HEPHL1: variants seen among roughly 807,000 people sequenced by gnomAD.
HEPHL1 encodes ferroxidase HEPHL1.
A neutral mutation model predicts 122.0 loss-of-function variants in HEPHL1; 123 were observed. That is an observed-to-expected ratio of 1.01 (90% CI 0.87 to 1.17). The LOEUF is 1.17. Among genes scored for constraint, HEPHL1 ranks in the 50% most tolerant of loss-of-function variants. The pLI, the probability that HEPHL1 is intolerant of heterozygous loss-of-function variation, is 0.00. For missense variants in HEPHL1, 1,452 were observed against 1,430.5 expected (o/e 1.01, Z -0.24); for synonymous variants, 527 against 508.9 (o/e 1.04, Z -0.48).
At position 94,089,775 on chromosome 11, in the gene HEPHL1, T is replaced by C. The variant is rs138672268; in HGVS notation, c.2294+807T>C. Among the ~76,000 whole-genome samples the C allele has an allele frequency of 4.0e-3, 614 of 152,278 alleles. 7 individuals are homozygous for C. The highest frequency in any genetic ancestry group is 0.014 in the African/African-American group (595 of 41,550). On this transcript the variant is annotated intron_variant, in intron 12 of 19. Transcript: ENST00000315765. ...TGTTCTGATATGCAGATGAGGAAACTTGGACGCAAAGAGTTAAGGCGCCCA... is the reference window on the plus strand; with the variant it reads ...TGTTCTGATATGCAGATGAGGAAACCTGGACGCAAAGAGTTAAGGCGCCCA...
At chr11:94,106,183 A>G (rs1565363938) in intron 17 of HEPHL1, 53 bp downstream of exon 17, 4 of 1,377,382 alleles carry the variant, frequency 2.9e-6, no homozygotes, top group South Asian at 3.4e-5. Context: ...AACAAATTCA[A>G]TGTATTTCCA....
intron 9 of HEPHL1, among the ~76,000 whole-genome samples, chr11:94,081,021 G>A (rs903326371): frequency 1.3e-5 from 2 of 152,122 alleles, no homozygotes; most frequent in Non-Finnish European, 2.9e-5. Flanking sequence ...ACTCACAACA[G>A]CAAAGACATG....
intron 1 of HEPHL1, among the ~76,000 whole-genome samples, chr11:94,036,349 C>A (rs1945723190): frequency 6.6e-6 from 1 of 152,104 alleles, no homozygotes; most frequent in Non-Finnish European, 1.5e-5. Flanking sequence ...GGGTGCCTGA[C>A]CAAGGTATCT....
rs1037764256 is a variant in HEPHL1, at chr11:94,092,002, A to C, written c.2295-1499A>C. On this transcript the variant is annotated intron_variant, in intron 12 of 19. Transcript: ENST00000315765. ...AGGAGTTTGGCAGTGGGAAATCATA[A>C]AAAGGCTTAACATCAACGTTGTTAA... 5.3e-5 allele frequency among the ~76,000 whole-genome samples: 8 copies of C among 152,326 alleles called. No individual in the cohort carries two copies. The East Asian group carries it at 1.5e-3, about 29-fold the overall frequency.
intron 18 of HEPHL1, 148 bp from the exon 19 acceptor site, chr11:94,111,389 A>T (rs1946447372): frequency 1.4e-6 from 1 of 710,938 alleles, no homozygotes; most frequent in East Asian, 2.7e-5. Context: ...AAGCATGTAC[A>T]TGGGAATGAA....
At chr11:94,087,656 A>G (rs1946229027) in intron 11 of HEPHL1, among the ~76,000 whole-genome samples, 1 of 152,114 alleles carries the variant, frequency 6.6e-6, no homozygotes, top group Non-Finnish European at 1.5e-5. Flanking sequence ...TTGAAGTGCC[A>G]TGATCAATAC....
chr11:94,033,295 T>C (rs1023922704), intron 1 of HEPHL1, among the ~76,000 whole-genome samples: 9 of 152,168 alleles, frequency 5.9e-5, no homozygotes, highest in African/African-American at 1.9e-4. Flanking sequence ...CCATATGAAT[T>C]TGCTGCTGGT....
At chr11:94,028,121 C>A (rs971423543) in intron 1 of HEPHL1, among the ~76,000 whole-genome samples, 1 of 152,090 alleles carries the variant, frequency 6.6e-6, no homozygotes, top group African/African-American at 2.4e-5. Flanking sequence ...TATTTCCCTG[C>A]CCTCTACACA....
At chr11:94,094,577 G>A (rs11020649) in intron 13 of HEPHL1, among the ~76,000 whole-genome samples, 2,214 of 152,320 alleles carry the variant, frequency 0.015, 27 homozygotes, top group Non-Finnish European at 0.023. Flanking sequence ...TTGCCACACT[G>A]TCTTCCACAA....
intron 2 of HEPHL1, among the ~76,000 whole-genome samples, chr11:94,054,747 G>T (rs1421324233): frequency 1.3e-5 from 2 of 152,212 alleles, no homozygotes; most frequent in African/African-American, 4.8e-5. Flanking sequence ...CTAGGCTGGA[G>T]CTACAGTAGA....
intron 5 of HEPHL1, among the ~76,000 whole-genome samples, chr11:94,067,970 A>C (rs529155103): frequency 6.6e-6 from 1 of 152,296 alleles, no homozygotes; most frequent in South Asian, 2.1e-4. Context: ...GAAGTGATTA[A>C]AAATTGATGA....
chr11:94,084,855 A>G (rs1173500230), intron 10 of HEPHL1, among the ~76,000 whole-genome samples: 1 of 152,218 alleles, frequency 6.6e-6, no homozygotes, highest in African/African-American at 2.4e-5. Flanking sequence ...ATAATCCCAG[A>G]TCTGAGTACA....
chr11:94,061,621 A>G (rs1287255474), intron 2 of HEPHL1, among the ~76,000 whole-genome samples: 9 of 152,190 alleles, frequency 5.9e-5, no homozygotes, highest in Admixed American at 4.6e-4. Context: ...TTCCTCTATC[A>G]CGTTAGATAA....
intron 1 of HEPHL1, among the ~76,000 whole-genome samples, chr11:94,028,631 C>T (rs1049682072): frequency 2.0e-5 from 3 of 152,192 alleles, no homozygotes; most frequent in African/African-American, 7.2e-5. Flanking sequence ...AAGTAGACAC[C>T]TCCTTAGCTT....
intron 2 of HEPHL1, 76 bp downstream of exon 2, chr11:94,045,993 T>G (rs1945832785): frequency 7.3e-7 from 1 of 1,363,278 alleles, no homozygotes; most frequent in Admixed American, 2.0e-5. Flanking sequence ...TAAAGAGATT[T>G]TAGGAGCACA....
chr11:94,102,830 A>G, intron 14 of HEPHL1, 84 bp from the exon 15 acceptor site: 1 of 705,254 alleles, frequency 1.4e-6, no homozygotes, highest in Admixed American at 2.6e-5. Flanking sequence ...ATGAAAATAT[A>G]TAAAGACCTG....
intron 2 of HEPHL1, among the ~76,000 whole-genome samples, chr11:94,053,781 G>T (rs764133817): frequency 3.7e-4 from 56 of 152,208 alleles, no homozygotes; most frequent in Middle Eastern, 6.8e-3. Flanking sequence ...TCTTTCTGTA[G>T]ATATTTAATT....
At chr11:94,027,723 C>G (rs904913349) in intron 1 of HEPHL1, among the ~76,000 whole-genome samples, 1 of 152,200 alleles carries the variant, frequency 6.6e-6, no homozygotes, top group Non-Finnish European at 1.5e-5. Context: ...TTTTCATTCC[C>G]CCTCATCATG....
chr11:94,104,267 G>A (rs1453117049), intron 15 of HEPHL1, among the ~76,000 whole-genome samples: 1 of 152,098 alleles, frequency 6.6e-6, no homozygotes, highest in Non-Finnish European at 1.5e-5. Context: ...CACATGGAGG[G>A]CTCACAGACC....
Sources: allele counts gnomAD v4.1 joint callset (sites outside exome capture counted in the v4.1 genomes callset), GRCh38; gene constraint gnomAD v4.1.1; transcripts MANE v1.5; gene names NCBI Gene and HGNC (gene_info 2026-07-23, HGNC 2026-07-21).